The following GNAI3 variants were observed in gnomAD, a reference collection of about 807,000 sequenced individuals.
GNAI3 encodes G protein subunit alpha i3, also known as guanine nucleotide-binding protein G(i) subunit alpha-3.
GNAI3 carries 12 observed loss-of-function variants against 41.8 expected under a neutral mutation model. That is an observed-to-expected ratio of 0.29 (90% confidence interval 0.18 to 0.47). The LOEUF (loss-of-function observed/expected upper bound fraction) is 0.47, where lower values mean the gene tolerates loss of function less well. Among genes scored for constraint, GNAI3 ranks in the 20% least tolerant of loss-of-function variants. The pLI, the probability that GNAI3 is intolerant of heterozygous loss-of-function variation, is 1.00. For synonymous variants in GNAI3, 132 were observed against 146.5 expected, an observed-to-expected ratio of 0.90 and a Z score of 0.71; for missense variants, 360 against 429.6, an observed-to-expected ratio of 0.84 and a Z score of 1.43.
At chr1:109,555,963 C>CGTGTGTGTGT (rs71069692) in intron 1 of GNAI3, among the ~76,000 whole-genome samples, 319 of 144,608 alleles carry the variant, frequency 2.2e-3, no homozygotes, top group South Asian at 4.1e-3. Context: ...TGCGTGCGTG[C>CGTGTGTGTGT]GTGTGTGTGT....
chr1:109,556,968 C>T (rs1648170308), intron 1 of GNAI3, among the ~76,000 whole-genome samples: 1 of 152,212 alleles, frequency 6.6e-6, no homozygotes, highest in Admixed American at 6.5e-5. Context: ...GACAGTCTCA[C>T]TCTGTTGCCC....
At chr1:109,582,016 C>T (rs1326170602) in intron 4 of GNAI3, among the ~76,000 whole-genome samples, 8 of 151,790 alleles carry the variant, frequency 5.3e-5, no homozygotes, top group African/African-American at 9.7e-5. Flanking sequence ...TTTTAAGAGA[C>T]GGGGGTCTCA....
chr1:109,574,926 T>C (rs1648698792), intron 3 of GNAI3, among the ~76,000 whole-genome samples: 1 of 152,182 alleles, frequency 6.6e-6, no homozygotes, highest in Admixed American at 6.5e-5. Flanking sequence ...TCCCAACTTA[T>C]CAAATGCGAA....
chr1:109,550,537 CTTT>C (rs370352103), intron 1 of GNAI3, among the ~76,000 whole-genome samples: 1 of 145,232 alleles, frequency 6.9e-6, no homozygotes, highest in Admixed American at 6.9e-5. Flanking sequence ...AGGGCGTTAA[CTTT>C]TTTTTTTTTT....
intron 4 of GNAI3, among the ~76,000 whole-genome samples, chr1:109,580,234 G>A (rs766608595): frequency 5.3e-5 from 8 of 152,032 alleles, no homozygotes; most frequent in Admixed American, 3.9e-4. Flanking sequence ...TCCTGACCTC[G>A]TGATCCACCC....
intron 1 of GNAI3, 66 bp downstream of exon 1, chr1:109,548,904 GGGGTCTGGTC>G: frequency 9.2e-7 from 1 of 1,092,760 alleles, no homozygotes; most frequent in South Asian, 1.3e-5. Context: ...AGGCCTGAAC[GGGGTCTGGTC>G]GGGCCGACGG....
chr1:109,569,109 G>A (rs985145242), intron 1 of GNAI3, among the ~76,000 whole-genome samples: 7 of 152,034 alleles, frequency 4.6e-5, no homozygotes, highest in Non-Finnish European at 8.8e-5. Flanking sequence ...AAAAATCTCC[G>A]TGACTTCACC....
At chr1:109,548,950 G>A in intron 1 of GNAI3, 112 bp downstream of exon 1, 1 of 674,184 alleles carries the variant, frequency 1.5e-6, no homozygotes, top group East Asian at 2.8e-5. Flanking sequence ...GATCTGGAGG[G>A]CGTGCCGGGC....
chr1:109,584,036 G>T (rs920504698), intron 5 of GNAI3, among the ~76,000 whole-genome samples: 5 of 152,036 alleles, frequency 3.3e-5, no homozygotes, highest in Non-Finnish European at 7.4e-5. Flanking sequence ...TATACCATGT[G>T]TTCTTTAGTT....
intron 1 of GNAI3, among the ~76,000 whole-genome samples, chr1:109,571,746 C>T (rs1479397101): frequency 4.6e-5 from 7 of 152,016 alleles, no homozygotes; most frequent in Non-Finnish European, 8.8e-5. Flanking sequence ...GGTGAAACCC[C>T]GTCTCTACTA....
chr1:109,580,566 G>A (rs1003602851), intron 4 of GNAI3, among the ~76,000 whole-genome samples: 3 of 152,136 alleles, frequency 2.0e-5, no homozygotes, highest in African/African-American at 7.2e-5. Context: ...TAGAGTATGC[G>A]TACACAGAAT....
At chr1:109,552,835 T>C (rs1003270543) in intron 1 of GNAI3, among the ~76,000 whole-genome samples, 1 of 152,028 alleles carries the variant, frequency 6.6e-6, no homozygotes, top group Admixed American at 6.6e-5. Flanking sequence ...GTGACAAAGG[T>C]TGGGAAGCAC....
chr1:109,566,935 C>T (rs557243165), intron 1 of GNAI3, among the ~76,000 whole-genome samples: 13 of 152,286 alleles, frequency 8.5e-5, no homozygotes, highest in African/African-American at 3.1e-4. Flanking sequence ...AAGGAATCAA[C>T]CGGGAGCAGT....
intron 3 of GNAI3, 117 bp from the exon 4 acceptor site, chr1:109,579,087 C>G (rs1039738269): frequency 3.9e-6 from 3 of 767,758 alleles, no homozygotes; most frequent in Non-Finnish European, 4.2e-6. Context: ...CAGAAAAGGT[C>G]TCTGTAACAA....
At chr1:109,574,373 G>A (rs993638965) in intron 3 of GNAI3, among the ~76,000 whole-genome samples, 3 of 151,428 alleles carry the variant, frequency 2.0e-5, no homozygotes, top group African/African-American at 7.3e-5. Context: ...GAGAAAGGTT[G>A]CCATGATATG....
At position 109,598,125 on chromosome 1, in the gene GNAI3, T is replaced by C. The variant is rs981614426; in HGVS notation, c.*5803T>C. ...AACCTGGTTTATCTGTCTCCTCTTA[T>C]CTTTTACCTCTCCCTACGCCCAAAA... On this transcript the variant is annotated 3_prime_UTR_variant, in exon 9 of 9. Transcript: ENST00000369851. The C allele has an allele frequency of 1.3e-5, 2 of 152,238 alleles. No individual in the cohort carries two copies. Among genetic ancestry groups the C allele is most frequent in the Non-Finnish European group, 2.9e-5 (2 of 68,044 alleles). The allele number at this position is 152,238 out of a possible 1,614,324, so 9.4% of individuals were successfully genotyped here.
rs1487432244 is a variant in GNAI3 at position 109,548,910 on chromosome 1, T to G, written c.118+72T>G. On this transcript the variant is annotated intron_variant, in intron 1 of 8. Coordinates refer to ENST00000369851, the MANE Select transcript of GNAI3 (RefSeq NM_006496.4). Reference sequence around the variant, plus strand: ...GCGCTTGGAAGGCCTGAACGGGGTCTGGTCGGGCCGACGGAAAGGACCCTA... The same window carrying G: ...GCGCTTGGAAGGCCTGAACGGGGTCGGGTCGGGCCGACGGAAAGGACCCTA... 5.1e-6 allele frequency: 5 copies of G among 974,246 alleles called. No individual in the cohort carries two copies. In the East Asian group the frequency reaches 1.3e-4, roughly 25 times the overall value. The allele number at this position is 974,246 out of a possible 1,614,324, so 60.4% of individuals were successfully genotyped here.
chr1:109,597,877 G>A lies in GNAI3; in HGVS notation c.*5555G>A, dbSNP rs368926120. The A allele has an allele frequency of 3.3e-5, 5 of 152,142 alleles. No homozygotes were observed. Among genetic ancestry groups the A allele is most frequent in the African/African-American group, 7.2e-5 (3 of 41,436 alleles). The allele number at this position is 152,142 out of a possible 1,614,324, so 9.4% of individuals were successfully genotyped here. A position where few individuals can be genotyped will look rare whatever the true frequency, so the allele number is the denominator to read the frequency against. ...CTAGCTCTAAACTAGAATGAAAGTC[G>A]TTTTGAAATGGGTACGGGGGTATAT... is the stretch of plus-strand genomic sequence containing the variant. On this transcript the variant is annotated 3_prime_UTR_variant, in exon 9 of 9. Transcript: ENST00000369851.
Position 109,593,549 on chromosome 1 carries a change from A to G in GNAI3, c.*1227A>G, listed in dbSNP as rs946275787. 6.6e-6 allele frequency: 1 copy of G among 152,636 alleles called. No individual in the cohort carries two copies. The highest frequency in any genetic ancestry group is 2.4e-5 in the African/African-American group (1 of 41,452). The allele number at this position is 152,636 out of a possible 1,614,324, so 9.5% of individuals were successfully genotyped here. ...CTGTTTGTAACTAGTCTTTTCTGGA[A>G]ATACTGTCTTCTGTTTCCTTTTGCC... On this transcript the variant is annotated 3_prime_UTR_variant, in exon 9 of 9. Transcript: ENST00000369851.
Sources: gnomAD v4.1 joint callset for allele counts (sites outside exome capture counted in the v4.1 genomes callset) on GRCh38, gnomAD v4.1.1 for gene constraint, MANE v1.5 for transcripts, NCBI Gene and HGNC (gene_info 2026-07-23, HGNC 2026-07-21) for gene names.